The following BAHD1 variants were observed in gnomAD, a reference collection of about 807,000 sequenced individuals.
BAHD1 encodes bromo adjacent homology domain containing 1.
A neutral mutation model predicts 63.1 loss-of-function variants in BAHD1; 20 were observed. The observed-to-expected ratio is 0.32, with a 90% CI of 0.22 to 0.46. BAHD1 has a LOEUF of 0.46. Among genes scored for constraint, BAHD1 ranks in the 20% least tolerant of loss-of-function variants. The pLI, the probability that BAHD1 is intolerant of heterozygous loss-of-function variation, is 1.00. For missense variants in BAHD1, 939 were observed against 1,071.8 expected (o/e 0.88, Z 1.73); for synonymous variants, 408 against 426.8 (o/e 0.96, Z 0.54).
At chr15:40,438,688 C>T (rs1893325647), upstream of BAHD1, among the ~76,000 whole-genome samples, 1 of 152,146 alleles carries the variant, frequency 6.6e-6, no homozygotes, top group Admixed American at 6.5e-5. Context: ...CCCTCTAATG[C>T]CAACACCAGG....
At chr15:40,464,185 T>TG (rs1339050527) in intron 4 of BAHD1, 165 bp downstream of exon 4, 22 of 848,028 alleles carry the variant, frequency 2.6e-5, no homozygotes, top group Non-Finnish European at 3.4e-5. Flanking sequence ...CCGAGGGCTG[T>TG]GGGTGACCTT....
In BAHD1 at chr15:40,458,808, G is replaced by A. The variant is rs1460803928; in HGVS notation, c.344G>A (p.Arg115His). The change falls in exon 2 of 7, where the codon CGC becomes CAC. Residue 115 changes from arginine (R) to histidine (H), a missense_variant. Arg to His is a conservative substitution (Grantham distance 29). Transcript: ENST00000416165. This position sits in a 1 kb window ranked among gnomAD's most constrained non-coding sequence, Gnocchi z 4.7. ...GAAGACCCTGGCCTTGCCCAGCCCCGCAAGCGGCGCCTGGCCTCCCTCAAT... is the reference window on the plus strand; with the variant it reads ...GAAGACCCTGGCCTTGCCCAGCCCCACAAGCGGCGCCTGGCCTCCCTCAAT... ...SSEDPGLAQP[R>H]KRRLASLNAE... The A allele has an allele frequency of 1.9e-6, 3 of 1,612,668 alleles. No homozygotes were observed. The highest frequency in any genetic ancestry group is 2.5e-6 in the Non-Finnish European group (3 of 1,179,920).
At chr15:40,464,324 A>T (rs1463844636) in intron 4 of BAHD1, 147 bp from the exon 5 acceptor site, 1 of 719,814 alleles carries the variant, frequency 1.4e-6, no homozygotes, top group Non-Finnish European at 2.4e-6. Context: ...AGGCCTCTGA[A>T]TGCTTGGCCT....
intron 2 of BAHD1, among the ~76,000 whole-genome samples, chr15:40,461,243 T>G (rs1894030404): frequency 6.6e-6 from 1 of 152,182 alleles, no homozygotes; most frequent in Non-Finnish European, 1.5e-5. Flanking sequence ...CCAGTTGCTC[T>G]GAGGGGCAGA....
intron 6 of BAHD1, among the ~76,000 whole-genome samples, 175 bp from the exon 7 acceptor site, chr15:40,465,766 G>GGCCTCTCTCC (rs1894181587): frequency 6.6e-6 from 1 of 152,210 alleles, no homozygotes; most frequent in Admixed American, 6.5e-5. Context: ...TGACAGAGAA[G>GGCCTCTCTCC]ATAGCCTGGT....
At chr15:40,452,046 T>G (rs535716236) in intron 1 of BAHD1, among the ~76,000 whole-genome samples, 1 of 152,358 alleles carries the variant, frequency 6.6e-6, no homozygotes, top group South Asian at 2.1e-4. Flanking sequence ...CTTCTAGATA[T>G]GAGAGGTATA....
rs776469369 is a variant in BAHD1, at chr15:40,458,713, C to T, written c.249C>T (p.Pro83=). Residue 83 remains proline, a synonymous_variant, in exon 2 of 7, where the codon CCC becomes CCT. Coordinates refer to ENST00000416165, the MANE Select transcript of BAHD1 (RefSeq NM_014952.5). This position sits in a 1 kb window ranked among gnomAD's most constrained non-coding sequence, Gnocchi z 4.7. ...LLTRLENVAG[P]RSADEADELP... is the part of the protein sequence containing the mutation. ...CTCGCCTGGAGAATGTGGCCGGTCC[C>T]CGGAGTGCAGATGAGGCTGATGAGC... is the stretch of plus-strand genomic sequence containing the variant. The T allele has an allele frequency of 6.2e-7, 1 of 1,613,650 alleles. No homozygotes were observed. Among genetic ancestry groups the T allele is most frequent in the African/African-American group, 1.3e-5 (1 of 74,944 alleles).
intron 1 of BAHD1, among the ~76,000 whole-genome samples, chr15:40,442,204 C>T (rs898324028): frequency 1.3e-5 from 2 of 151,914 alleles, no homozygotes; most frequent in Non-Finnish European, 2.9e-5. Flanking sequence ...AAGGCGGCGC[C>T]GGAGCGGGCG....
At position 40,465,336 on chromosome 15, in the gene BAHD1, C is replaced by T; in HGVS notation, c.2054C>T (p.Pro685Leu). ...QGGRSPSMHE[P>L]LQNEVFASRH... ...AACCTCCACCTGTCTCCCTTTGAGC[C>T]CTTGCAGAATGAAGTGTTTGCATCG... Residue 685 changes from proline (P) to leucine (L), a missense_variant and splice_region_variant, in exon 6 of 7, where the codon CCC becomes CTC. Pro to Leu is a moderately conservative substitution (Grantham distance 98). Coordinates refer to ENST00000416165, the MANE Select transcript of BAHD1 (RefSeq NM_014952.5). 6.2e-7 allele frequency: 1 copy of T among 1,614,036 alleles called. No homozygotes were observed. The highest frequency in any genetic ancestry group is 8.5e-7 in the Non-Finnish European group (1 of 1,179,940).
rs1408507981 is a variant in BAHD1, at chr15:40,464,649, A to C, written c.2052+102A>C. 7 of 976,936 alleles carry C rather than the reference A, an allele frequency of 7.2e-6. No individual in the cohort carries two copies. The East Asian group carries it at 1.0e-4, about 15-fold the overall frequency. 60.5% of individuals were successfully genotyped at this position (976,936 alleles called of 1,614,324 possible). On this transcript the variant is annotated intron_variant, in intron 5 of 6. Coordinates refer to ENST00000416165, the MANE Select transcript of BAHD1 (RefSeq NM_014952.5). ...GGAGGGCAGCCATGGGCTGTAGTCA[A>C]ATCCCTGCGCTTGTCACTTTGGACT...
In BAHD1 at chr15:40,465,362, C is replaced by A; in HGVS notation, c.2080C>A (p.Arg694=). Residue 694 remains arginine (R), a synonymous_variant, in exon 6 of 7, where the codon CGA becomes AGA. Coordinates refer to ENST00000416165, the MANE Select transcript of BAHD1 (RefSeq NM_014952.5). ...EPLQNEVFAS[R]HQDQNSVACI... Reference sequence around the variant, plus strand: ...CTTGCAGAATGAAGTGTTTGCATCGCGACATCAGGACCAGAACAGTGTGGC... The same window carrying A: ...CTTGCAGAATGAAGTGTTTGCATCGAGACATCAGGACCAGAACAGTGTGGC... 6.2e-7 allele frequency: 1 copy of A among 1,614,138 alleles called. No individual in the cohort carries two copies.
upstream of BAHD1, among the ~76,000 whole-genome samples, chr15:40,437,593 T>G (rs1893299291): frequency 6.6e-6 from 1 of 152,166 alleles, no homozygotes; most frequent in Non-Finnish European, 1.5e-5. Flanking sequence ...CAGTAAGTAT[T>G]GTGGGGACCT....
intron 5 of BAHD1, chr15:40,464,811 G>T (rs1295689840): frequency 4.0e-6 from 2 of 502,898 alleles, no homozygotes; most frequent in Non-Finnish European, 7.2e-6. Context: ...GGTGCCAATG[G>T]GAGCAAGTGG....
rs1368406000 is a variant in BAHD1 at position 40,458,078 on chromosome 15, G to C, written c.-14-373G>C. Among the ~76,000 whole-genome samples the C allele has an allele frequency of 6.6e-6, 1 of 152,184 alleles. No homozygotes were observed. The highest frequency in any genetic ancestry group is 1.5e-5 in the Non-Finnish European group (1 of 68,030). Reference sequence around the variant, plus strand: ...CATCTTGGGAGGCTCTGTCTTCAGAGCCTCTTCCTATCCTGTGATGAATAT... The same window carrying C: ...CATCTTGGGAGGCTCTGTCTTCAGACCCTCTTCCTATCCTGTGATGAATAT... On this transcript the variant is annotated intron_variant, in intron 1 of 6. Coordinates refer to ENST00000416165, the MANE Select transcript of BAHD1 (RefSeq NM_014952.5). This position sits in a 1 kb window ranked among gnomAD's most constrained non-coding sequence, Gnocchi z 4.7.
intron 1 of BAHD1, among the ~76,000 whole-genome samples, chr15:40,448,430 C>G (rs1159110053): frequency 6.6e-6 from 1 of 152,200 alleles, no homozygotes; most frequent in Non-Finnish European, 1.5e-5. Flanking sequence ...GCATCTTGGT[C>G]TGTGATCCAG....
At chr15:40,444,104 A>G (rs1405502288) in intron 1 of BAHD1, among the ~76,000 whole-genome samples, 1 of 126,190 alleles carries the variant, frequency 7.9e-6, no homozygotes, top group Non-Finnish European at 1.7e-5. Context: ...ATGAGTGTTA[A>G]ACCTCTGTGT....
At chr15:40,465,547 T>C (rs1311577040) in intron 6 of BAHD1, 112 bp downstream of exon 6, 1 of 816,720 alleles carries the variant, frequency 1.2e-6, no homozygotes, top group East Asian at 2.6e-5. Context: ...TACCTGATCT[T>C]ACTCACTGAG....
At chr15:40,456,980 A>G (rs1476956465) in intron 1 of BAHD1, among the ~76,000 whole-genome samples, 1 of 152,208 alleles carries the variant, frequency 6.6e-6, no homozygotes, top group Admixed American at 6.5e-5. Flanking sequence ...CTTCCAGTGC[A>G]CAGCCAGCTC....
intron 1 of BAHD1, among the ~76,000 whole-genome samples, chr15:40,445,638 C>G (rs376468471): frequency 6.6e-6 from 1 of 152,282 alleles, no homozygotes; most frequent in East Asian, 1.9e-4. Flanking sequence ...GCGAAGCTGC[C>G]GAGTTTATGG....
Sources: allele counts gnomAD v4.1 joint callset (sites outside exome capture counted in the v4.1 genomes callset), GRCh38; gene constraint gnomAD v4.1.1; non-coding constraint Gnocchi (gnomAD v3.1); transcripts MANE v1.5; gene names NCBI Gene and HGNC (gene_info 2026-07-23, HGNC 2026-07-21).